The following PCDH15 variants were observed in gnomAD, a reference collection of about 807,000 sequenced individuals.
The protein encoded by PCDH15 is protocadherin related 15, also known as protocadherin-15.
Under a neutral mutation model 178.5 loss-of-function variants are expected in PCDH15, and 129 were observed. That is an observed-to-expected ratio of 0.72 (90% CI 0.63 to 0.84). The LOEUF is 0.84. PCDH15 is among the 40% of genes least tolerant of loss of function. The pLI, the probability that PCDH15 is intolerant of heterozygous loss-of-function variation, is 0.00. For missense variants in PCDH15, 2,230 were observed against 2,099.9 expected, an observed-to-expected ratio of 1.06 and a Z score of -1.21; for synonymous variants, 800 against 732.0, an observed-to-expected ratio of 1.09 and a Z score of -1.50.
chr10:55,042,587 C>G (rs1256351927), intron 2 of PCDH15, among the ~76,000 whole-genome samples: 1 of 152,118 alleles, frequency 6.6e-6, no homozygotes, highest in Non-Finnish European at 1.5e-5. Flanking sequence ...TTATTCCACT[C>G]TGTCATAAAA....
chr10:55,047,698 C>T (rs1218425771), intron 2 of PCDH15, among the ~76,000 whole-genome samples: 2 of 151,676 alleles, frequency 1.3e-5, no homozygotes, highest in South Asian at 2.1e-4. Context: ...TTGTAGGTCA[C>T]ATTTTTAGCA....
intron 15 of PCDH15, among the ~76,000 whole-genome samples, chr10:54,104,565 C>T (rs1391100187): frequency 1.3e-5 from 2 of 151,938 alleles, no homozygotes; most frequent in Admixed American, 6.6e-5. Context: ...CAGCCGGGCG[C>T]GGTAGCTCAC....
intron 2 of PCDH15, among the ~76,000 whole-genome samples, chr10:54,567,753 G>C (rs1032444768): frequency 2.0e-5 from 3 of 152,164 alleles, no homozygotes; most frequent in East Asian, 3.9e-4. Flanking sequence ...TTTTGAGAGG[G>C]AGTGATAATA....
At chr10:55,182,305 T>C (rs1839671393) in intron 1 of PCDH15, among the ~76,000 whole-genome samples, 1 of 151,912 alleles carries the variant, frequency 6.6e-6, no homozygotes, top group South Asian at 2.1e-4. Context: ...ATAAAATTAC[T>C]CTTCTATCCT....
chr10:55,062,575 G>C (rs2132000944), intron 2 of PCDH15, among the ~76,000 whole-genome samples: 1 of 152,308 alleles, frequency 6.6e-6, no homozygotes, highest in Non-Finnish European at 1.5e-5. Context: ...AATTGCCTGA[G>C]GTTGAAGGGA....
intron 2 of PCDH15, among the ~76,000 whole-genome samples, chr10:55,592,930 AT>A (rs780639987): frequency 3.9e-5 from 6 of 152,104 alleles, no homozygotes; most frequent in Non-Finnish European, 4.4e-5. Context: ...TTCTAAAGAG[AT>A]TTTAAAAGTG....
At chr10:54,324,706 A>G (rs950098947) in intron 7 of PCDH15, among the ~76,000 whole-genome samples, 3 of 152,088 alleles carry the variant, frequency 2.0e-5, no homozygotes, top group Non-Finnish European at 2.9e-5. Context: ...CGAAGGCTGC[A>G]GTGAACCGAG....
chr10:54,160,717 CA>C (rs1028347899), intron 13 of PCDH15, among the ~76,000 whole-genome samples: 1 of 151,980 alleles, frequency 6.6e-6, no homozygotes, highest in African/African-American at 2.4e-5. Flanking sequence ...ACTAAGAAAA[CA>C]AACACAAATT....
chr10:55,359,136 G>C (rs925148062), intron 2 of PCDH15, among the ~76,000 whole-genome samples: 2 of 151,930 alleles, frequency 1.3e-5, no homozygotes, highest in South Asian at 4.2e-4. Context: ...AATCTAAGCT[G>C]CTGTGAGTTA....
intron 1 of PCDH15, among the ~76,000 whole-genome samples, chr10:54,787,701 C>T (rs1434140144): frequency 1.3e-5 from 2 of 151,866 alleles, no homozygotes; most frequent in East Asian, 3.9e-4. Flanking sequence ...AGGGCATGAA[C>T]CTCAGGGCTC....
chr10:54,926,433 C>T (rs1389608290), intron 2 of PCDH15, among the ~76,000 whole-genome samples: 1 of 151,796 alleles, frequency 6.6e-6, no homozygotes, highest in Non-Finnish European at 1.5e-5. Context: ...TTGTACTCTG[C>T]CTGGTTTTTG....
chr10:55,034,556 TCACTTTAGG>T (rs947776298), intron 2 of PCDH15, among the ~76,000 whole-genome samples: 2 of 152,210 alleles, frequency 1.3e-5, no homozygotes, highest in Non-Finnish European at 2.9e-5. Flanking sequence ...CACAATTATT[TCACTTTAGG>T]CACAAACTCA....
At chr10:54,491,262 A>G (rs1426265499) in intron 3 of PCDH15, among the ~76,000 whole-genome samples, 2 of 150,582 alleles carry the variant, frequency 1.3e-5, no homozygotes, top group Non-Finnish European at 2.9e-5. Flanking sequence ...CATATTTTAA[A>G]TTTCTTAACA....
intron 1 of PCDH15, among the ~76,000 whole-genome samples, chr10:55,301,044 T>C (rs1268083111): frequency 9.2e-5 from 14 of 152,202 alleles, no homozygotes; most frequent in Admixed American, 7.2e-4. Context: ...GGCTATTATG[T>C]ATAAAGCTAC....
intron 2 of PCDH15, among the ~76,000 whole-genome samples, chr10:54,625,554 G>A (rs752360413): frequency 1.3e-5 from 2 of 152,112 alleles, no homozygotes; most frequent in African/African-American, 4.8e-5. Flanking sequence ...ATGGGAGTTT[G>A]CCTGCACAAG....
intron 1 of PCDH15, among the ~76,000 whole-genome samples, chr10:54,787,556 A>G (rs1397971205): frequency 1.3e-5 from 2 of 151,950 alleles, no homozygotes; most frequent in East Asian, 1.9e-4. Context: ...CACTACCTCT[A>G]TATTATCTAA....
intron 2 of PCDH15, among the ~76,000 whole-genome samples, chr10:55,415,528 TC>T (rs2132039259): frequency 6.6e-6 from 1 of 151,846 alleles, no homozygotes; most frequent in South Asian, 2.1e-4. Flanking sequence ...TAATCTCATT[TC>T]TCAAATTTCC....
chr10:54,338,230 T>G (rs901744802), intron 6 of PCDH15, among the ~76,000 whole-genome samples: 2 of 152,190 alleles, frequency 1.3e-5, no homozygotes, highest in Non-Finnish European at 2.9e-5. Flanking sequence ...GTCTTAATTA[T>G]ACATGAGTTT....
intron 1 of PCDH15, among the ~76,000 whole-genome samples, chr10:54,701,995 T>C (rs1430818434): frequency 1.3e-5 from 2 of 151,904 alleles, no homozygotes; most frequent in Admixed American, 6.6e-5. Context: ...AAAAACAACA[T>C]AATATACATT....
Sources: allele counts gnomAD v4.1 joint callset (sites outside exome capture counted in the v4.1 genomes callset), GRCh38; gene constraint gnomAD v4.1.1; transcripts MANE v1.5; gene names NCBI Gene and HGNC (gene_info 2026-07-23, HGNC 2026-07-21).